OLFML2B: variants seen among roughly 807,000 people sequenced by gnomAD.
The protein encoded by OLFML2B is olfactomedin like 2B.
In OLFML2B, 57 loss-of-function variants were observed where a neutral mutation model predicts 74.9. The observed-to-expected ratio is 0.76, with a 90% CI of 0.61 to 0.95. OLFML2B has a LOEUF of 0.95. Among genes scored for constraint, OLFML2B ranks in the 40% least tolerant of loss-of-function variants. The pLI, the probability that OLFML2B is intolerant of heterozygous loss-of-function variation, is 0.00. For missense variants in OLFML2B, 986 were observed against 970.6 expected (o/e 1.02, Z -0.21); for synonymous variants, 388 against 405.8 (o/e 0.96, Z 0.53).
At chr1:162,017,361 CAATCAAG>C (rs773623806) in intron 3 of OLFML2B, 32 bp downstream of exon 3, 4 of 1,508,184 alleles carry the variant, frequency 2.7e-6, no homozygotes, top group Non-Finnish European at 3.7e-6. Context: ...CTTTTGGGCT[CAATCAAG>C]AAAAAGATAT....
At chr1:161,997,512 T>C (rs1689944713) in intron 6 of OLFML2B, among the ~76,000 whole-genome samples, 1 of 152,212 alleles carries the variant, frequency 6.6e-6, no homozygotes, top group African/African-American at 2.4e-5. Flanking sequence ...GATACCTCAA[T>C]AGCCATCACA....
In OLFML2B at chr1:161,983,953, G is replaced by A. The variant is rs779034494; in HGVS notation, c.1975C>T (p.Gln659Ter). Reference protein sequence around the residue: ...SKLNAADLSTQKETTWRTGLR... With the variant: ...SKLNAADLST ...CCCGTGCGCCATGTGGTCTCCTTCTGTGTGCTCAGGTCCGCGGCATTGAGC... is the reference window on the plus strand; with the variant it reads ...CCCGTGCGCCATGTGGTCTCCTTCTATGTGCTCAGGTCCGCGGCATTGAGC... The change falls in exon 8 of 8, where the codon CAG becomes TAG. Residue 659 changes from glutamine to a stop codon, truncating the protein, a stop_gained. Coordinates refer to ENST00000294794, the MANE Select transcript of OLFML2B (RefSeq NM_015441.3). LOFTEE classifies it high-confidence loss of function. The A allele has an allele frequency of 6.2e-7, 1 of 1,614,248 alleles. No individual in the cohort carries two copies. Among genetic ancestry groups the A allele is most frequent in the East Asian group, 2.2e-5 (1 of 44,886 alleles).
At chr1:162,006,223 C>A in intron 4 of OLFML2B, 74 bp downstream of exon 4, 1 of 1,401,200 alleles carries the variant, frequency 7.1e-7, no homozygotes, top group South Asian at 1.6e-5. Flanking sequence ...CTGAAAAGTT[C>A]TATGCAGAGG....
intron 5 of OLFML2B, among the ~76,000 whole-genome samples, chr1:161,999,635 G>C (rs934408274): frequency 6.6e-6 from 1 of 152,160 alleles, no homozygotes. Flanking sequence ...AGAAGCCTAA[G>C]GAAACAAGGT....
intron 3 of OLFML2B, among the ~76,000 whole-genome samples, chr1:162,015,015 C>T (rs910592248): frequency 6.6e-6 from 1 of 152,188 alleles, no homozygotes; most frequent in Non-Finnish European, 1.5e-5. Flanking sequence ...TACTTCCTAG[C>T]ACTGTGATCT....
rs1187302179 is a variant in OLFML2B, at chr1:162,000,105, C to T, written c.949+8G>A. Reference sequence around the variant, plus strand: ...GCCTCTGGGGCGGCCCTGTTGACCCCAACTCACGCTGCTCTTCAATGTCAT... The same window carrying T: ...GCCTCTGGGGCGGCCCTGTTGACCCTAACTCACGCTGCTCTTCAATGTCAT... On this transcript the variant is annotated splice_region_variant and intron_variant, in intron 5 of 7. Transcript: ENST00000294794. 3 of 1,579,316 alleles carry T rather than the reference C, an allele frequency of 1.9e-6. No individual in the cohort carries two copies. The highest frequency in any genetic ancestry group is 2.6e-6 in the Non-Finnish European group (3 of 1,157,988).
intron 2 of OLFML2B, 45 bp downstream of exon 2, chr1:162,019,870 TCTCA>T: frequency 6.3e-7 from 1 of 1,594,126 alleles, no homozygotes. Context: ...GACTTGTGGA[TCTCA>T]AAAGTGCCCT....
chr1:162,006,785 C>A (rs1690246725), intron 3 of OLFML2B, among the ~76,000 whole-genome samples: 1 of 152,172 alleles, frequency 6.6e-6, no homozygotes, highest in African/African-American at 2.4e-5. Flanking sequence ...TTTTTCTGTC[C>A]TTTGTATATA....
intron 2 of OLFML2B, among the ~76,000 whole-genome samples, chr1:162,019,089 C>T (rs931812402): frequency 6.6e-6 from 1 of 152,232 alleles, no homozygotes; most frequent in Non-Finnish European, 1.5e-5. Context: ...CTGAAAGAGA[C>T]ACTAATGATT....
rs369939825 is a variant in OLFML2B at position 162,017,511 on chromosome 1, T to G, written c.439-4A>C. The G allele has an allele frequency of 2.2e-5, 36 of 1,607,772 alleles. No homozygotes were observed. The African/African-American group carries it at 4.1e-4, about 19-fold the overall frequency. On this transcript the variant is annotated splice_polypyrimidine_tract_variant and splice_region_variant and intron_variant, in intron 2 of 7. Coordinates refer to ENST00000294794, the MANE Select transcript of OLFML2B (RefSeq NM_015441.3). The stretch of plus-strand genomic sequence containing the variant: ...ACATGTCTATGATTGTGGAGAGCTA[T>G]GAAACAAGGCAAGGGGTTAGTCCAG...
chr1:161,998,578 C>T (rs550202772), intron 5 of OLFML2B, among the ~76,000 whole-genome samples: 6 of 152,164 alleles, frequency 3.9e-5, no homozygotes, highest in East Asian at 1.9e-4. Context: ...CATGCTCCCC[C>T]CAGGACTCAG....
At chr1:161,992,077 G>T (rs1689757062) in intron 6 of OLFML2B, among the ~76,000 whole-genome samples, 1 of 152,212 alleles carries the variant, frequency 6.6e-6, no homozygotes, top group African/African-American at 2.4e-5. Flanking sequence ...CTGAAAATCT[G>T]TTGTTTAGTG....
At chr1:162,021,899 G>T (rs1690712824) in intron 1 of OLFML2B, among the ~76,000 whole-genome samples, 1 of 152,124 alleles carries the variant, frequency 6.6e-6, no homozygotes, top group Admixed American at 6.5e-5. Context: ...CGATTTAGGG[G>T]TCAGTGGGAG....
In OLFML2B at chr1:162,006,039, G is replaced by GA. The variant is rs556872806; in HGVS notation, c.723+257dup. Among the ~76,000 whole-genome samples the GA allele has an allele frequency of 2.6e-4, 40 of 151,636 alleles. No homozygotes were observed. The South Asian group carries it at 3.6e-3, about 14-fold the overall frequency. The stretch of plus-strand genomic sequence containing the variant: ...TCACAAAGGTGGGATATCAGATCTT[G>GA]AAAAAAATGGGGGCTGGGACTCAGA... On this transcript the variant is annotated intron_variant, in intron 4 of 7. Coordinates refer to ENST00000294794, the MANE Select transcript of OLFML2B (RefSeq NM_015441.3).
chr1:162,006,844 G>A (rs1045888065), intron 3 of OLFML2B, among the ~76,000 whole-genome samples: 29 of 152,030 alleles, frequency 1.9e-4, no homozygotes, highest in Admixed American at 1.6e-3. Flanking sequence ...CCATTCACTC[G>A]CATCCCATAC....
At chr1:161,999,093 G>A (rs1382798625) in intron 5 of OLFML2B, among the ~76,000 whole-genome samples, 5 of 152,238 alleles carry the variant, frequency 3.3e-5, no homozygotes, top group African/African-American at 1.2e-4. Flanking sequence ...ATGACTTAGA[G>A]GCTGTGTATG....
Position 161,998,298 on chromosome 1 carries a change from T to C in OLFML2B, c.1001A>G (p.Gln334Arg). The change falls in exon 6 of 8, where the codon CAG (glutamine) becomes CGG (arginine). Residue 334 changes from glutamine (Q) to arginine (R), a missense_variant. Coordinates refer to ENST00000294794, the MANE Select transcript of OLFML2B (RefSeq NM_015441.3). ...DNGVDLLIED[Q>R]LLRHNGLMTS... ...CATCAGGCCGTTGTGTCTCAGGAGC[T>C]GATCTTCAATCAGCAAATCCACTCC... 1.3e-6 allele frequency: 2 copies of C among 1,587,648 alleles called. No individual in the cohort carries two copies. Among genetic ancestry groups the C allele is most frequent in the Non-Finnish European group, 1.7e-6 (2 of 1,161,202 alleles).
intron 2 of OLFML2B, among the ~76,000 whole-genome samples, chr1:162,017,943 T>C (rs1048673391): frequency 6.6e-6 from 1 of 152,154 alleles, no homozygotes; most frequent in African/African-American, 2.4e-5. Context: ...CATGGAATAC[T>C]ATGCAGCCAT....
intron 1 of OLFML2B, among the ~76,000 whole-genome samples, chr1:162,021,421 T>C (rs1008977734): frequency 6.6e-6 from 1 of 152,294 alleles, no homozygotes; most frequent in African/African-American, 2.4e-5. Flanking sequence ...GGGAAAAGGC[T>C]CTTCTCTCCC....
Sources: gnomAD v4.1 joint callset for allele counts (sites outside exome capture counted in the v4.1 genomes callset) on GRCh38, gnomAD v4.1.1 for gene constraint, MANE v1.5 for transcripts, NCBI Gene and HGNC (gene_info 2026-07-23, HGNC 2026-07-21) for gene names.